Variants in ZC3HC1 observed in about 807,000 individuals in gnomAD.
The protein encoded by ZC3HC1 is zinc finger C3HC-type containing 1, also known as zinc finger C3HC-type protein 1.
In ZC3HC1, 38 loss-of-function variants were observed where a neutral mutation model predicts 61.9. The ratio of observed to expected loss-of-function variants is 0.61; its 90% CI spans 0.47 to 0.81. ZC3HC1 has a LOEUF of 0.81. Ranked by LOEUF, ZC3HC1 falls within the 30% of genes least tolerant of loss-of-function variation. The pLI is 0.00. For missense variants in ZC3HC1, 554 were observed against 622.7 expected (o/e 0.89, Z 1.17); for synonymous variants, 213 against 229.9 (o/e 0.93, Z 0.67).
intron 6 of ZC3HC1, among the ~76,000 whole-genome samples, chr7:130,025,098 GT>G (rs1337904501): frequency 2.0e-5 from 3 of 147,446 alleles, no homozygotes; most frequent in African/African-American, 7.5e-5. Context: ...TAGAGATGGG[GT>G]TTCACCATGT....
At chr7:130,045,989 T>C (rs1295283640) in intron 2 of ZC3HC1, among the ~76,000 whole-genome samples, 1 of 151,514 alleles carries the variant, frequency 6.6e-6, no homozygotes, top group African/African-American at 2.4e-5. Flanking sequence ...AACGAGATCA[T>C]GTCCTTTGCA....
intron 2 of ZC3HC1, chr7:130,043,640 G>A: frequency 4.1e-6 from 1 of 243,660 alleles, no homozygotes; most frequent in African/African-American, 2.3e-5. Context: ...TCCCTTTCCT[G>A]AGCAATTCAG....
chr7:130,039,102 T>C (rs1471092082), intron 4 of ZC3HC1, among the ~76,000 whole-genome samples: 2 of 151,958 alleles, frequency 1.3e-5, no homozygotes, highest in South Asian at 2.1e-4. Flanking sequence ...CCCAGCACTT[T>C]GGGAGGCCGA....
At position 130,023,951 on chromosome 7, in the gene ZC3HC1, C is replaced by T. The variant is rs552144820; in HGVS notation, c.1021-228G>A. Among the ~76,000 whole-genome samples the T allele has an allele frequency of 2.3e-3, 350 of 152,122 alleles. 1 individual carries two copies. Among genetic ancestry groups the T allele is most frequent in the Non-Finnish European group, 2.8e-3 (193 of 67,994 alleles). ...AGTAGCTGGGATTACAGGTGCCTGC[C>T]ACCACACCTGGCTAATTTTTGCATT... is the stretch of plus-strand genomic sequence containing the variant. On this transcript the variant is annotated intron_variant, in intron 7 of 9. Transcript: ENST00000358303. The surrounding 1 kb of genome is among the most constrained non-coding windows in gnomAD (Gnocchi z 4.2).
chr7:130,025,870 CAA>C (rs71175064), intron 6 of ZC3HC1, among the ~76,000 whole-genome samples: 2 of 58,576 alleles, frequency 3.4e-5, no homozygotes, highest in African/African-American at 7.7e-5. Flanking sequence ...GACTCCGTCT[CAA>C]AAAAAAAAAA....
chr7:130,027,793 A>G (rs1273476754), intron 5 of ZC3HC1, among the ~76,000 whole-genome samples: 1 of 151,936 alleles, frequency 6.6e-6, no homozygotes, highest in Non-Finnish European at 1.5e-5. Context: ...TGCCGGGATT[A>G]CAGGCATGAG....
intron 4 of ZC3HC1, among the ~76,000 whole-genome samples, chr7:130,032,802 AG>A (rs1323273360): frequency 2.2e-5 from 2 of 91,742 alleles, no homozygotes; most frequent in Non-Finnish European, 4.4e-5. Flanking sequence ...AAGGAAAGGA[AG>A]GGAAGGAAAA....
At position 130,049,270 on chromosome 7, in the gene ZC3HC1, A is replaced by G. The variant is rs986859391; in HGVS notation, c.147-126T>C. On this transcript the variant is annotated intron_variant, in intron 1 of 9. Coordinates refer to ENST00000358303, the MANE Select transcript of ZC3HC1 (RefSeq NM_016478.5). ...CTGGATTTTAAGCTTCCTAAAAATC[A>G]TTTTACTCATGTCATTCCTCAGCTT... 3.4e-5 allele frequency: 19 copies of G among 552,958 alleles called. No homozygotes were observed. The African/African-American group carries it at 3.5e-4, about 10-fold the overall frequency. 34.3% of individuals were successfully genotyped at this position (552,958 alleles called of 1,614,324 possible). A position where few individuals can be genotyped will look rare whatever the true frequency, so the allele number is the denominator to read the frequency against.
At chr7:130,026,433 C>T in intron 5 of ZC3HC1, 121 bp from the exon 6 acceptor site, 1 of 1,015,144 alleles carries the variant, frequency 9.9e-7, no homozygotes, top group South Asian at 1.7e-5. Flanking sequence ...CATGAAGATA[C>T]TTCTCTTCAC....
At chr7:130,025,644 A>T (rs1304743899) in intron 6 of ZC3HC1, among the ~76,000 whole-genome samples, 3 of 151,940 alleles carry the variant, frequency 2.0e-5, no homozygotes, top group Admixed American at 2.0e-4. Context: ...CGAGGCAGGC[A>T]GAACACGAGG....
rs750562299 is a variant in ZC3HC1, at chr7:130,023,768, G to A, written c.1021-45C>T. 14 of 1,439,752 alleles carry A rather than the reference G, an allele frequency of 9.7e-6. No individual in the cohort carries two copies. The highest frequency in any genetic ancestry group is 1.9e-6 in the Non-Finnish European group (2 of 1,041,964). The allele number at this position is 1,439,752 out of a possible 1,614,324, so 89.2% of individuals were successfully genotyped here. The stretch of plus-strand genomic sequence containing the variant: ...ATGGAAGTACACGAATGATATTAAT[G>A]ATTATGGTCAGAAATACTTCTTTCT... On this transcript the variant is annotated intron_variant, in intron 7 of 9. Transcript: ENST00000358303. The surrounding 1 kb of genome is among the most constrained non-coding windows in gnomAD (Gnocchi z 4.2).
chr7:130,032,715 AAG>A (rs1794257352), intron 4 of ZC3HC1, among the ~76,000 whole-genome samples: 1 of 89,712 alleles, frequency 1.1e-5, no homozygotes, highest in Non-Finnish European at 2.2e-5. Context: ...GGAAGGAAGG[AAG>A]GGAAGGAGGG....
intron 2 of ZC3HC1, among the ~76,000 whole-genome samples, chr7:130,046,001 G>C (rs117492117): frequency 6.6e-6 from 1 of 152,120 alleles, no homozygotes; most frequent in South Asian, 2.1e-4. Context: ...TCCTTTGCAG[G>C]GATGTGGATG....
chr7:130,021,042 C>T lies in ZC3HC1; in HGVS notation c.1440+1277G>A, dbSNP rs956716232. 1.3e-4 allele frequency among the ~76,000 whole-genome samples: 20 copies of T among 151,954 alleles called. 1 individual carries two copies. The highest frequency in any genetic ancestry group is 2.4e-4 in the Non-Finnish European group (16 of 68,004). ...CCTCCCCAATAGCTGGGATTACAGG[C>T]GCCTGCCACCACACATGGCAAATTT... On this transcript the variant is annotated intron_variant, in intron 9 of 9. Transcript: ENST00000358303.
At chr7:130,049,830 G>A (rs1488252559) in intron 1 of ZC3HC1, among the ~76,000 whole-genome samples, 1 of 151,770 alleles carries the variant, frequency 6.6e-6, no homozygotes, top group Non-Finnish European at 1.5e-5. Flanking sequence ...GATTACAGGC[G>A]TGAGCCACAG....
At chr7:130,028,315 G>A (rs988343994) in intron 5 of ZC3HC1, among the ~76,000 whole-genome samples, 3 of 152,030 alleles carry the variant, frequency 2.0e-5, no homozygotes, top group Non-Finnish European at 2.9e-5. Context: ...GCCGAGGCAG[G>A]TGGATCACCT....
rs117785128 is a variant in ZC3HC1, at chr7:130,024,464, C to A, written c.819G>T (p.Ser273=). 25 of 1,613,830 alleles carry A rather than the reference C, an allele frequency of 1.5e-5. No individual in the cohort carries two copies. Among genetic ancestry groups the A allele is most frequent in the Non-Finnish European group, 2.0e-5 (24 of 1,179,874 alleles). The change falls in exon 7 of 10, where the codon TCG becomes TCT. Residue 273 remains serine, a synonymous_variant. Transcript: ENST00000358303. The part of the protein sequence containing the change: ...ESMQLSLITC[S]QCMRKVGLWG... Reference sequence around the variant, plus strand: ...AGAGCCCCACCTTCCTCATACATTGCGAACATGTTATCAGGGAGAGCTGCA... The same window carrying A: ...AGAGCCCCACCTTCCTCATACATTGAGAACATGTTATCAGGGAGAGCTGCA...
chr7:130,037,493 A>C (rs1313432038), intron 4 of ZC3HC1, among the ~76,000 whole-genome samples: 1 of 152,166 alleles, frequency 6.6e-6, no homozygotes, highest in Non-Finnish European at 1.5e-5. Flanking sequence ...GACTGAGTGC[A>C]CTAGACAAGG....
At chr7:130,046,257 C>T (rs183379208) in intron 2 of ZC3HC1, among the ~76,000 whole-genome samples, 24 of 152,206 alleles carry the variant, frequency 1.6e-4, no homozygotes, top group African/African-American at 5.8e-4. Context: ...CACACGTTTA[C>T]CTATGTAACA....
Sources: allele counts gnomAD v4.1 joint callset (sites outside exome capture counted in the v4.1 genomes callset), GRCh38; gene constraint gnomAD v4.1.1; non-coding constraint Gnocchi (gnomAD v3.1); transcripts MANE v1.5; gene names NCBI Gene and HGNC (gene_info 2026-07-23, HGNC 2026-07-21).